Variants in DCC observed in about 807,000 individuals in gnomAD.
DCC encodes netrin receptor DCC.
DCC carries 58 observed loss-of-function variants against 172.5 expected under a neutral mutation model. The ratio of observed to expected loss-of-function variants is 0.34; its 90% CI spans 0.27 to 0.42. The LOEUF (loss-of-function observed/expected upper bound fraction) is 0.42. Among genes scored for constraint, DCC ranks in the 10% least tolerant of loss-of-function variants. DCC has a pLI of 1.00. For synonymous variants in DCC, 709 were observed against 644.5 expected (o/e 1.10, Z -1.52); for missense variants, 1,740 against 1,791.0 (o/e 0.97, Z 0.51).
chr18:52,539,272 C>T (rs922676581), intron 1 of DCC, among the ~76,000 whole-genome samples: 2 of 151,944 alleles, frequency 1.3e-5, no homozygotes, highest in Non-Finnish European at 2.9e-5. Flanking sequence ...GAAATATCCT[C>T]TACCAAGATC....
intron 1 of DCC, among the ~76,000 whole-genome samples, chr18:52,554,538 CT>C (rs1274253601): frequency 6.6e-6 from 1 of 152,078 alleles, no homozygotes; most frequent in African/African-American, 2.4e-5. Context: ...AGAAAAAGGC[CT>C]GTATTAGCAG....
At chr18:52,869,433 A>C (rs1334615445) in intron 2 of DCC, among the ~76,000 whole-genome samples, 1 of 152,172 alleles carries the variant, frequency 6.6e-6, no homozygotes, top group Non-Finnish European at 1.5e-5. Flanking sequence ...GTGTGCCTGC[A>C]TTGGTCCATG....
intron 7 of DCC, among the ~76,000 whole-genome samples, chr18:53,105,690 T>C (rs1190504766): frequency 1.3e-5 from 2 of 151,904 alleles, no homozygotes; most frequent in African/African-American, 4.8e-5. Context: ...ATTTCATTTA[T>C]GCTTTGCTGT....
chr18:53,344,009 C>T (rs988405782), intron 15 of DCC, among the ~76,000 whole-genome samples: 6 of 151,758 alleles, frequency 4.0e-5, no homozygotes, highest in Middle Eastern at 3.6e-3. Context: ...TTTTCTTGTT[C>T]CTGTCTTTTT....
At chr18:53,322,746 G>A (rs910602397) in intron 14 of DCC, among the ~76,000 whole-genome samples, 2 of 151,262 alleles carry the variant, frequency 1.3e-5, no homozygotes, top group Non-Finnish European at 3.0e-5. Flanking sequence ...CTCAAAATTA[G>A]CAAATGAGAA....
At chr18:53,290,764 A>G (rs1476763072) in intron 12 of DCC, among the ~76,000 whole-genome samples, 1 of 152,230 alleles carries the variant, frequency 6.6e-6, no homozygotes, top group East Asian at 1.9e-4. Flanking sequence ...AAAAAAGTGA[A>G]AAGGGCATGG....
intron 1 of DCC, among the ~76,000 whole-genome samples, chr18:52,544,662 G>A (rs2032562051): frequency 6.6e-6 from 1 of 151,942 alleles, no homozygotes; most frequent in Admixed American, 6.6e-5. Flanking sequence ...AAACTTGTGG[G>A]ACTTTAGCCA....
intron 22 of DCC, among the ~76,000 whole-genome samples, chr18:53,440,326 T>C (rs992978793): frequency 1.3e-5 from 2 of 152,170 alleles, no homozygotes; most frequent in African/African-American, 2.4e-5. Context: ...TAATAGTATT[T>C]TATTGACCTC....
At chr18:52,611,198 G>C (rs926681602) in intron 1 of DCC, among the ~76,000 whole-genome samples, 1 of 152,024 alleles carries the variant, frequency 6.6e-6, no homozygotes, top group African/African-American at 2.4e-5. Context: ...TCAGCTCACA[G>C]GGTGTCTTTC....
intron 12 of DCC, among the ~76,000 whole-genome samples, chr18:53,257,057 G>A (rs1402453349): frequency 3.3e-5 from 5 of 152,150 alleles, no homozygotes; most frequent in African/African-American, 1.2e-4. Context: ...TTTTCACATT[G>A]ATTTTGTATC....
intron 5 of DCC, among the ~76,000 whole-genome samples, chr18:52,979,944 C>T (rs955727849): frequency 3.9e-5 from 6 of 152,200 alleles, no homozygotes; most frequent in African/African-American, 1.4e-4. Flanking sequence ...CACAGCAGCC[C>T]AGTTACTGTC....
chr18:52,963,123 A>T (rs1361395816), intron 5 of DCC, among the ~76,000 whole-genome samples: 3 of 151,714 alleles, frequency 2.0e-5, no homozygotes, highest in Non-Finnish European at 4.4e-5. Flanking sequence ...TAAAAAAATA[A>T]AAAAAAGTGA....
intron 2 of DCC, among the ~76,000 whole-genome samples, chr18:52,899,860 A>G (rs1290819929): frequency 6.6e-6 from 1 of 152,136 alleles, no homozygotes; most frequent in Admixed American, 6.5e-5. Flanking sequence ...TCCAATATTT[A>G]GGGTCTGAAA....
intron 1 of DCC, among the ~76,000 whole-genome samples, chr18:52,534,341 C>T (rs2032231775): frequency 6.6e-6 from 1 of 152,008 alleles, no homozygotes; most frequent in Admixed American, 6.6e-5. Flanking sequence ...GTTAAGAATA[C>T]TTATTTAACT....
intron 1 of DCC, among the ~76,000 whole-genome samples, chr18:52,413,073 C>T (rs1290895805): frequency 6.6e-6 from 1 of 151,586 alleles, no homozygotes; most frequent in Non-Finnish European, 1.5e-5. Flanking sequence ...TTCAGTAGGC[C>T]TTAGCAAGGA....
chr18:53,458,765 T>C (rs933653210), intron 23 of DCC, among the ~76,000 whole-genome samples: 1 of 152,230 alleles, frequency 6.6e-6, no homozygotes, highest in Non-Finnish European at 1.5e-5. Context: ...CATTAAATTA[T>C]ACAGCTGAGG....
At chr18:53,117,226 A>G (rs938776898) in intron 7 of DCC, among the ~76,000 whole-genome samples, 3 of 151,766 alleles carry the variant, frequency 2.0e-5, no homozygotes, top group African/African-American at 4.8e-5. Flanking sequence ...GCATTGGTCA[A>G]TATTACCTTT....
At chr18:52,409,171 TA>T (rs1386279173) in intron 1 of DCC, 1 of 152,140 alleles carries the variant, frequency 6.6e-6, no homozygotes, top group African/African-American at 2.4e-5. Flanking sequence ...ATGTATCATG[TA>T]TTCCATTTAC....
intron 2 of DCC, among the ~76,000 whole-genome samples, chr18:52,844,781 T>C (rs1159317555): frequency 6.6e-6 from 1 of 152,230 alleles, no homozygotes; most frequent in Non-Finnish European, 1.5e-5. Flanking sequence ...CTTGTGAACT[T>C]AGAGAAAGGT....
Sources: gnomAD v4.1 joint callset for allele counts (sites outside exome capture counted in the v4.1 genomes callset) on GRCh38, gnomAD v4.1.1 for gene constraint, MANE v1.5 for transcripts, NCBI Gene and HGNC (gene_info 2026-07-23, HGNC 2026-07-21) for gene names.